The following EXOC6B variants were observed in gnomAD, a reference collection of about 807,000 sequenced individuals.
The protein encoded by EXOC6B is exocyst complex component 6B, also known as SEC15 homolog B.
Under a neutral mutation model 113.5 loss-of-function variants are expected in EXOC6B, and 54 were observed. That is an observed-to-expected ratio of 0.48 (90% CI 0.38 to 0.60). EXOC6B has a LOEUF of 0.60. Among genes scored for constraint, EXOC6B ranks in the 20% least tolerant of loss-of-function variants. EXOC6B has a pLI of 0.00. For synonymous variants in EXOC6B, 357 were observed against 339.0 expected (o/e 1.05, Z -0.58); for missense variants, 797 against 977.5 (o/e 0.82, Z 2.46).
chr2:72,740,842 C>T (rs1201395547), intron 2 of EXOC6B, among the ~76,000 whole-genome samples: 2 of 152,176 alleles, frequency 1.3e-5, no homozygotes. Flanking sequence ...GTGGCTCACG[C>T]CTGTAATCCC....
chr2:72,664,804 C>T (rs1675276001), intron 6 of EXOC6B, among the ~76,000 whole-genome samples: 1 of 152,238 alleles, frequency 6.6e-6, no homozygotes, highest in African/African-American at 2.4e-5. Context: ...CTCTATTGTG[C>T]AGCCTGGGTG....
In EXOC6B at chr2:72,775,521, G is replaced by C. The variant is rs560628941; in HGVS notation, c.114-34052C>G. On this transcript the variant is annotated intron_variant, in intron 1 of 21. Coordinates refer to ENST00000272427, the MANE Select transcript of EXOC6B (RefSeq NM_015189.3). The stretch of plus-strand genomic sequence containing the variant: ...ACAGTCCAAAACAAGAAACAGCCCA[G>C]GTGTTCAACAGGTAAATGTGGTATA... 9.2e-5 allele frequency among the ~76,000 whole-genome samples: 14 copies of C among 152,218 alleles called. No individual in the cohort carries two copies. In the South Asian group the frequency reaches 2.9e-3, roughly 32 times the overall value.
chr2:72,635,640 T>C (rs1672764618), intron 6 of EXOC6B, among the ~76,000 whole-genome samples: 1 of 152,098 alleles, frequency 6.6e-6, no homozygotes, highest in Non-Finnish European at 1.5e-5. Flanking sequence ...TTAAGAAGAA[T>C]TAACACCAAT....
intron 20 of EXOC6B, among the ~76,000 whole-genome samples, chr2:72,219,338 G>A (rs1680727533): frequency 6.6e-6 from 1 of 152,056 alleles, no homozygotes; most frequent in South Asian, 2.1e-4. Flanking sequence ...CCAGATCTGG[G>A]ACACAGACCA....
chr2:72,737,451 G>T (rs1681038764), intron 2 of EXOC6B, among the ~76,000 whole-genome samples: 1 of 152,106 alleles, frequency 6.6e-6, no homozygotes, highest in African/African-American at 2.4e-5. Context: ...TATGAGAAAA[G>T]GTTCTCTTGA....
At chr2:72,345,248 C>T (rs1338155475) in intron 19 of EXOC6B, among the ~76,000 whole-genome samples, 1 of 152,120 alleles carries the variant, frequency 6.6e-6, no homozygotes, top group Non-Finnish European at 1.5e-5. Flanking sequence ...TAATTATTGC[C>T]TAGGTGGGAA....
At chr2:72,585,640 TA>T (rs1185194489) in intron 6 of EXOC6B, among the ~76,000 whole-genome samples, 1 of 148,034 alleles carries the variant, frequency 6.8e-6, no homozygotes, top group Admixed American at 6.7e-5. Context: ...CACAGAAATA[TA>T]AAAGATCCTC....
chr2:72,262,621 A>C (rs1423843214), intron 20 of EXOC6B, among the ~76,000 whole-genome samples: 3 of 152,170 alleles, frequency 2.0e-5, no homozygotes, highest in Non-Finnish European at 4.4e-5. Flanking sequence ...AAATGTATAG[A>C]GCAAAGATGC....
intron 1 of EXOC6B, among the ~76,000 whole-genome samples, chr2:72,752,822 C>A (rs1001394800): frequency 2.0e-5 from 3 of 152,084 alleles, no homozygotes; most frequent in Non-Finnish European, 4.4e-5. Flanking sequence ...GTATGTGCCA[C>A]CATGAACTAT....
At chr2:72,654,319 T>G (rs13401801) in intron 6 of EXOC6B, among the ~76,000 whole-genome samples, 5,229 of 152,308 alleles carry the variant, frequency 0.034, 298 homozygotes, top group African/African-American at 0.12. Flanking sequence ...TCAATCTACA[T>G]AGAAGTCTTT....
At chr2:72,608,193 C>A (rs1306001178) in intron 6 of EXOC6B, among the ~76,000 whole-genome samples, 1 of 151,878 alleles carries the variant, frequency 6.6e-6, no homozygotes, top group African/African-American at 2.4e-5. Flanking sequence ...ATTTGGTACA[C>A]AAAAGCCCAA....
chr2:72,714,922 C>A (rs1333087365), intron 6 of EXOC6B, among the ~76,000 whole-genome samples: 3 of 152,160 alleles, frequency 2.0e-5, no homozygotes, highest in Admixed American at 6.5e-5. Flanking sequence ...ATGCCTACTA[C>A]ATTTTGAGGG....
intron 20 of EXOC6B, among the ~76,000 whole-genome samples, chr2:72,245,933 C>T (rs1308576983): frequency 2.0e-5 from 3 of 152,188 alleles, no homozygotes; most frequent in African/African-American, 7.2e-5. Context: ...AAACAAAAAT[C>T]ATTAGATCAG....
intron 19 of EXOC6B, among the ~76,000 whole-genome samples, chr2:72,367,965 C>T (rs1290567412): frequency 6.6e-6 from 1 of 152,094 alleles, no homozygotes; most frequent in Non-Finnish European, 1.5e-5. Context: ...GAAAGACAGT[C>T]TAGAACACAA....
chr2:72,778,494 A>G (rs955927478), intron 1 of EXOC6B, among the ~76,000 whole-genome samples: 2 of 152,196 alleles, frequency 1.3e-5, no homozygotes, highest in Admixed American at 6.5e-5. Context: ...ACTGTTTACA[A>G]TAGAAACAGA....
Position 72,488,537 on chromosome 2 carries a change from TCTCTCA to T in EXOC6B, c.1665+3775_1665+3780del, listed in dbSNP as rs141931908. Among the ~76,000 whole-genome samples the T allele has an allele frequency of 7.8e-4, 119 of 152,280 alleles. 1 individual carries two copies. The highest frequency in any genetic ancestry group is 2.8e-3 in the African/African-American group (115 of 41,576). ...ATGTCTAAAATCAAATTCCCAATGT[TCTCTCA>T]CAGCAAATTTAGCTCTGCCTAAAAT... On this transcript the variant is annotated intron_variant, in intron 16 of 21. Coordinates refer to ENST00000272427, the MANE Select transcript of EXOC6B (RefSeq NM_015189.3).
intron 15 of EXOC6B, among the ~76,000 whole-genome samples, chr2:72,493,361 T>C (rs1699861624): frequency 6.8e-6 from 1 of 146,102 alleles, no homozygotes; most frequent in Non-Finnish European, 1.5e-5. Flanking sequence ...AGCAATATTC[T>C]TTCCAGTCTT....
chr2:72,646,087 G>A (rs572616744), intron 6 of EXOC6B, among the ~76,000 whole-genome samples: 158 of 151,920 alleles, frequency 1.0e-3, no homozygotes, highest in African/African-American at 3.6e-3. Flanking sequence ...TCAAATAGAC[G>A]CAATAAAAAA....
chr2:72,783,188 T>G (rs1329530837), intron 1 of EXOC6B, among the ~76,000 whole-genome samples: 1 of 147,058 alleles, frequency 6.8e-6, no homozygotes, highest in East Asian at 1.9e-4. Context: ...TTGTTGGGGT[T>G]TTTTTTTTTT....
Sources: gnomAD v4.1 joint callset for allele counts (sites outside exome capture counted in the v4.1 genomes callset) on GRCh38, gnomAD v4.1.1 for gene constraint, MANE v1.5 for transcripts, NCBI Gene and HGNC (gene_info 2026-07-23, HGNC 2026-07-21) for gene names.